SLCO4A1: variants seen among roughly 807,000 people sequenced by gnomAD.
SLCO4A1 encodes the protein colon organic anion transporter.
A neutral mutation model predicts 64.6 loss-of-function variants in SLCO4A1; 51 were observed. That is an observed-to-expected ratio of 0.79 (90% CI 0.63 to 1.00). SLCO4A1 has a LOEUF of 1.00. Ranked by LOEUF, SLCO4A1 falls within the 50% of genes least tolerant of loss-of-function variation. The pLI is 0.00. For synonymous variants in SLCO4A1, 471 were observed against 444.9 expected (o/e 1.06, Z -0.74); for missense variants, 919 against 980.5 (o/e 0.94, Z 0.84).
At position 62,656,340 on chromosome 20, in the gene SLCO4A1, CCAGA is replaced by C. The variant is rs1983704724; in HGVS notation, c.-96-16_-96-13del. On this transcript the variant is annotated splice_polypyrimidine_tract_variant and intron_variant, in intron 1 of 11. Coordinates refer to ENST00000217159, the MANE Select transcript of SLCO4A1 (RefSeq NM_016354.4). ...CCGTGGAGAGACGTGAGCTTGCTAA[CCAGA>C]CATTCTTCTCACAGGACACACCAGC... 3 of 889,982 alleles carry C rather than the reference CCAGA, an allele frequency of 3.4e-6. No individual in the cohort carries two copies. The highest frequency in any genetic ancestry group is 3.4e-5 in the African/African-American group (2 of 59,276). The allele number at this position is 889,982 out of a possible 1,614,324, so 55.1% of individuals were successfully genotyped here.
downstream of SLCO4A1, among the ~76,000 whole-genome samples, chr20:62,676,695 C>T (rs114764098): frequency 8.2e-3 from 1,253 of 152,256 alleles, 32 homozygotes; most frequent in African/African-American, 0.029. Flanking sequence ...GAATGTAAAA[C>T]GGTAAAATGG....
At chr20:62,669,685 C>A (rs542144022) in intron 11 of SLCO4A1, among the ~76,000 whole-genome samples, 2 of 152,182 alleles carry the variant, frequency 1.3e-5, no homozygotes, top group African/African-American at 2.4e-5. Flanking sequence ...AAATAAAATG[C>A]GGTCCCACGG....
chr20:62,671,212 G>A (rs956229091), intron 11 of SLCO4A1, among the ~76,000 whole-genome samples: 8 of 152,240 alleles, frequency 5.3e-5, no homozygotes, highest in East Asian at 1.9e-4. Context: ...TGGCCGCCAC[G>A]ACAAAGGACC....
intron 3 of SLCO4A1, among the ~76,000 whole-genome samples, chr20:62,659,134 C>T (rs1984309026): frequency 6.6e-6 from 1 of 152,002 alleles, no homozygotes; most frequent in Non-Finnish European, 1.5e-5. Context: ...CAGGAGAAAG[C>T]AAGGAGGGGT....
rs529428503 is a variant in SLCO4A1, at chr20:62,644,069, A to G, written c.-97+1516A>G. ...AGGCGACTGCAGGGTCAGGCCGGAGACCCAGAACAGCGTCCCAAGAGCTGG... is the reference window on the plus strand; with the variant it reads ...AGGCGACTGCAGGGTCAGGCCGGAGGCCCAGAACAGCGTCCCAAGAGCTGG... On this transcript the variant is annotated intron_variant, in intron 1 of 11. Transcript: ENST00000217159. This position sits in a 1 kb window ranked among gnomAD's most constrained non-coding sequence, Gnocchi z 5.4. 6.2e-4 allele frequency among the ~76,000 whole-genome samples: 95 copies of G among 152,318 alleles called. No homozygotes were observed. The highest frequency in any genetic ancestry group is 2.2e-3 in the African/African-American group (90 of 41,570).
At chr20:62,681,520 A>C (rs1010326941) in intron 2 of SLCO4A1, among the ~76,000 whole-genome samples, 2 of 114,346 alleles carry the variant, frequency 1.7e-5, no homozygotes, top group Admixed American at 9.4e-5. Context: ...GTGTTTATTA[A>C]GCCGTGTGTA....
downstream of SLCO4A1, among the ~76,000 whole-genome samples, chr20:62,676,134 G>A (rs1419765140): frequency 1.3e-5 from 2 of 152,152 alleles, no homozygotes; most frequent in Admixed American, 6.5e-5. Flanking sequence ...CACTGAATTC[G>A]GCCGGCTCGC....
Position 62,661,159 on chromosome 20 carries a change from A to G in SLCO4A1, c.1105A>G (p.Ile369Val). The change falls in exon 5 of 12, where the codon ATC (isoleucine) becomes GTC (valine). Residue 369 changes from isoleucine (I) to valine (V), a missense_variant. Coordinates refer to ENST00000217159, the MANE Select transcript of SLCO4A1 (RefSeq NM_016354.4). This position sits in a 1 kb window ranked among gnomAD's most constrained non-coding sequence, Gnocchi z 5.2. Reference protein sequence around the residue: ...EASNPDFGKTIRDLPLSIWLL... With the variant: ...EASNPDFGKTVRDLPLSIWLL... ...GAGCAACCCGGACTTTGGGAAAACC[A>G]TCAGAGACCTGCCTCTGTAAGGACC... 4 of 1,612,746 alleles carry G rather than the reference A, an allele frequency of 2.5e-6. No homozygotes were observed. The highest frequency in any genetic ancestry group is 8.5e-7 in the Non-Finnish European group (1 of 1,179,310).
downstream of SLCO4A1, among the ~76,000 whole-genome samples, chr20:62,676,664 A>G (rs1179502036): frequency 6.6e-6 from 1 of 152,240 alleles, no homozygotes; most frequent in African/African-American, 2.4e-5. Flanking sequence ...AGAACTTGGA[A>G]TCCTCACACA....
rs1985017558 is a variant in SLCO4A1, at chr20:62,661,921, G to A, written c.1121+746G>A. Among the ~76,000 whole-genome samples, 1 of 152,080 alleles carries A rather than the reference G, an allele frequency of 6.6e-6. No individual in the cohort carries two copies. The highest frequency in any genetic ancestry group is 2.4e-5 in the African/African-American group (1 of 41,430). On this transcript the variant is annotated intron_variant, in intron 5 of 11. Coordinates refer to ENST00000217159, the MANE Select transcript of SLCO4A1 (RefSeq NM_016354.4). This position sits in a 1 kb window ranked among gnomAD's most constrained non-coding sequence, Gnocchi z 5.2. ...TCCTGGGGATCATGCCTTCCCTGGG[G>A]GGCTCTCCCCAGGGCTGGGCACAGG...
chr20:62,687,952 C>T (rs2147120559), downstream of SLCO4A1, among the ~76,000 whole-genome samples: 1 of 152,288 alleles, frequency 6.6e-6, no homozygotes, highest in South Asian at 2.1e-4. Flanking sequence ...TGCCGCGCTG[C>T]AGCCACCCCC....
At chr20:62,648,286 C>T (rs549840373) in intron 1 of SLCO4A1, among the ~76,000 whole-genome samples, 242 of 152,374 alleles carry the variant, frequency 1.6e-3, no homozygotes, top group Non-Finnish European at 2.7e-3. Context: ...TTGCGTTTCT[C>T]TCGGGCTGAG....
chr20:62,669,182 A>G, intron 11 of SLCO4A1, 104 bp downstream of exon 11: 1 of 1,135,910 alleles, frequency 8.8e-7, no homozygotes, highest in South Asian at 1.4e-5. Context: ...CTAGTACATC[A>G]CAGATGTTCC....
chr20:62,666,511 C>T lies in SLCO4A1; in HGVS notation c.1408C>T (p.Leu470Phe). 6.2e-7 allele frequency: 1 copy of T among 1,613,504 alleles called. No individual in the cohort carries two copies. The highest frequency in any genetic ancestry group is 8.5e-7 in the Non-Finnish European group (1 of 1,179,994). ...CACCGTTGTCAGCCTGCTGGGCATC[C>T]TCGTCTTCTCACTGCACTGCCCCAG... is the stretch of plus-strand genomic sequence containing the variant. Reference protein sequence around the residue: ...FCTVVSLLGILVFSLHCPSVP... With the variant: ...FCTVVSLLGIFVFSLHCPSVP... Residue 470 changes from leucine to phenylalanine, a missense_variant, in exon 7 of 12, where the codon CTC (leucine) becomes TTC (phenylalanine). Transcript: ENST00000217159.
chr20:62,686,975 C>T (rs967532812), downstream of SLCO4A1, among the ~76,000 whole-genome samples: 1 of 144,204 alleles, frequency 6.9e-6, no homozygotes, highest in Non-Finnish European at 1.5e-5. Context: ...ATGGGAACGG[C>T]ACCCCCAAAC....
intron 1 of SLCO4A1, among the ~76,000 whole-genome samples, chr20:62,648,429 C>T (rs951496363): frequency 5.9e-5 from 9 of 152,312 alleles, no homozygotes; most frequent in African/African-American, 1.7e-4. Flanking sequence ...GGCTCACGGG[C>T]GGGGCCACCA....
In SLCO4A1 at chr20:62,661,786, T is replaced by C. The variant is rs1228711022; in HGVS notation, c.1121+611T>C. 6.6e-6 allele frequency among the ~76,000 whole-genome samples: 1 copy of C among 151,780 alleles called. No homozygotes were observed. The highest frequency in any genetic ancestry group is 1.5e-5 in the Non-Finnish European group (1 of 67,918). On this transcript the variant is annotated intron_variant, in intron 5 of 11. Coordinates refer to ENST00000217159, the MANE Select transcript of SLCO4A1 (RefSeq NM_016354.4). The surrounding 1 kb of genome is among the most constrained non-coding windows in gnomAD (Gnocchi z 5.2). Reference sequence around the variant, plus strand: ...TTGGCTGCCTTCCCTTTCTGCTGAGTGTGGTCCGGCCTTGCTTTGCTGTCT... The same window carrying C: ...TTGGCTGCCTTCCCTTTCTGCTGAGCGTGGTCCGGCCTTGCTTTGCTGTCT...
chr20:62,679,303 C>G (rs1463752008), intron 2 of SLCO4A1, among the ~76,000 whole-genome samples: 1 of 152,036 alleles, frequency 6.6e-6, no homozygotes, highest in Non-Finnish European at 1.5e-5. Context: ...ATGAAGCTAT[C>G]TGTGTCCTGA....
At chr20:62,642,717 CGGGGGAGG>C (rs1422357621) in intron 1 of SLCO4A1, among the ~76,000 whole-genome samples, 164 bp downstream of exon 1, 1 of 152,008 alleles carries the variant, frequency 6.6e-6, no homozygotes, top group Non-Finnish European at 1.5e-5. Flanking sequence ...AGCCTCTCCG[CGGGGGAGG>C]GCAGGACCGA....
Sources: gnomAD v4.1 joint callset for allele counts (sites outside exome capture counted in the v4.1 genomes callset) on GRCh38, gnomAD v4.1.1 for gene constraint, Gnocchi (gnomAD v3.1) non-coding constraint, MANE v1.5 for transcripts, NCBI Gene and HGNC (gene_info 2026-07-23, HGNC 2026-07-21) for gene names.